Variants in EVI5 observed in about 807,000 individuals in gnomAD.
The protein encoded by EVI5 is ecotropic viral integration site 5, also known as ecotropic viral integration site 5 protein homolog.
A neutral mutation model predicts 112.0 loss-of-function variants in EVI5; 73 were observed. The ratio of observed to expected loss-of-function variants is 0.65; its 90% CI spans 0.54 to 0.79. EVI5 has a LOEUF of 0.79. EVI5 is among the 30% of genes least tolerant of loss of function. EVI5 has a pLI of 0.00. For missense variants in EVI5, 900 were observed against 968.8 expected (o/e 0.93, Z 0.94); for synonymous variants, 305 against 319.9 (o/e 0.95, Z 0.50).
chr1:92,616,205 G>C (rs1653089648), intron 16 of EVI5, among the ~76,000 whole-genome samples: 2 of 152,106 alleles, frequency 1.3e-5, no homozygotes. Flanking sequence ...CATCTCAGCT[G>C]GGAGGGTCCA....
intron 17 of EVI5, 37 bp from the exon 18 acceptor site, chr1:92,605,439 G>A (rs774101357): frequency 7.3e-7 from 1 of 1,374,864 alleles, no homozygotes; most frequent in Admixed American, 1.7e-5. Flanking sequence ...AAATAAACCA[G>A]GTGTGTTTGG....
chr1:92,633,368 C>A (rs1253652555), intron 14 of EVI5, among the ~76,000 whole-genome samples: 2 of 152,310 alleles, frequency 1.3e-5, no homozygotes, highest in Admixed American at 1.3e-4. Flanking sequence ...GTATTAGGTG[C>A]ACATATATTT....
intron 2 of EVI5, among the ~76,000 whole-genome samples, chr1:92,731,176 T>G (rs2102770000): frequency 6.6e-6 from 1 of 151,812 alleles, no homozygotes; most frequent in South Asian, 2.1e-4. Flanking sequence ...ATACAAAAAT[T>G]AGCCGTCATA....
At chr1:92,602,817 C>T (rs1649467311) in intron 18 of EVI5, among the ~76,000 whole-genome samples, 2 of 151,542 alleles carry the variant, frequency 1.3e-5, no homozygotes, top group Admixed American at 6.6e-5. Context: ...GTCAACACCA[C>T]CAAAAAAAAC....
chr1:92,576,957 G>T (rs1470014224), intron 18 of EVI5, among the ~76,000 whole-genome samples: 1 of 152,132 alleles, frequency 6.6e-6, no homozygotes, highest in African/African-American at 2.4e-5. Flanking sequence ...TAGCTTTGGG[G>T]CTAGGATTGC....
At chr1:92,665,192 G>C (rs749815823) in intron 11 of EVI5, among the ~76,000 whole-genome samples, 1 of 152,026 alleles carries the variant, frequency 6.6e-6, no homozygotes, top group Non-Finnish European at 1.5e-5. Context: ...GCAACAGAGC[G>C]AGACTCTCTC....
intron 1 of EVI5, among the ~76,000 whole-genome samples, chr1:92,778,128 C>G (rs12064258): frequency 0.024 from 3,630 of 152,012 alleles, 170 homozygotes; most frequent in African/African-American, 0.083. Context: ...AGGATGGTCT[C>G]GATCTCTTGA....
chr1:92,621,405 G>A (rs1005969225), intron 16 of EVI5, among the ~76,000 whole-genome samples: 1 of 152,148 alleles, frequency 6.6e-6, no homozygotes, highest in Admixed American at 6.5e-5. Flanking sequence ...TCCACCTACC[G>A]GGTTCAACCG....
chr1:92,742,634 T>C (rs532796243), intron 1 of EVI5, among the ~76,000 whole-genome samples: 4 of 151,556 alleles, frequency 2.6e-5, no homozygotes, highest in South Asian at 2.1e-4. Context: ...GACAGTGCCA[T>C]TGCACTCCAG....
At chr1:92,791,758 A>G (rs1686114621) in intron 1 of EVI5, among the ~76,000 whole-genome samples, 1 of 152,188 alleles carries the variant, frequency 6.6e-6, no homozygotes, top group South Asian at 2.1e-4. Flanking sequence ...CAAAAAAAAA[A>G]AAAGGATGAG....
intron 19 of EVI5, among the ~76,000 whole-genome samples, chr1:92,536,486 G>T (rs1663918288): frequency 6.6e-6 from 1 of 152,116 alleles, no homozygotes; most frequent in South Asian, 2.1e-4. Flanking sequence ...AAAGATTACA[G>T]CTATTCCACG....
At chr1:92,714,893 T>A (rs995787434) in intron 2 of EVI5, among the ~76,000 whole-genome samples, 9 of 152,178 alleles carry the variant, frequency 5.9e-5, no homozygotes, top group South Asian at 2.1e-4. Flanking sequence ...ACCTAACCTT[T>A]ACTTTTAACT....
At chr1:92,670,457 C>T (rs948085488) in intron 10 of EVI5, among the ~76,000 whole-genome samples, 1 of 152,188 alleles carries the variant, frequency 6.6e-6, no homozygotes, top group African/African-American at 2.4e-5. Context: ...AATTTGCAAT[C>T]ATTATACGGC....
intron 18 of EVI5, among the ~76,000 whole-genome samples, chr1:92,567,058 G>A (rs1290668593): frequency 2.0e-5 from 3 of 151,904 alleles, no homozygotes; most frequent in South Asian, 2.1e-4. Context: ...CCGCCCACCC[G>A]CCTTGGCCTC....
In EVI5 at chr1:92,704,480, T is replaced by G. The variant is rs967714123; in HGVS notation, c.339+75A>C. 3 of 954,472 alleles carry G rather than the reference T, an allele frequency of 3.1e-6. No individual in the cohort carries two copies. In the South Asian group the frequency reaches 6.7e-5, roughly 21 times the overall value. 59.1% of individuals were successfully genotyped at this position (954,472 alleles called of 1,614,324 possible). A position where few individuals can be genotyped will look rare whatever the true frequency, so the allele number is the denominator to read the frequency against. Reference sequence around the variant, plus strand: ...CTTGGAAGTTGTATTTGGGGTTTTTTTCCCAATCCTCTATTAAGTTATGTC... The same window carrying G: ...CTTGGAAGTTGTATTTGGGGTTTTTGTCCCAATCCTCTATTAAGTTATGTC... On this transcript the variant is annotated intron_variant, in intron 3 of 19. Coordinates refer to ENST00000684568, the MANE Select transcript of EVI5 (RefSeq NM_001350197.2).
chr1:92,551,043 T>C (rs1361319608), intron 19 of EVI5, among the ~76,000 whole-genome samples: 9 of 86,262 alleles, frequency 1.0e-4, no homozygotes, highest in African/African-American at 3.6e-4. Flanking sequence ...TTTCTTTCTT[T>C]TTTTTTTTTT....
chr1:92,516,801 T>C (rs1464568457), intron 19 of EVI5, among the ~76,000 whole-genome samples: 1 of 151,956 alleles, frequency 6.6e-6, no homozygotes. Context: ...TTATCCTTAT[T>C]ACCAGACTTT....
intron 2 of EVI5, among the ~76,000 whole-genome samples, chr1:92,727,404 T>C (rs2102742437): frequency 6.6e-6 from 1 of 152,272 alleles, no homozygotes; most frequent in Admixed American, 6.5e-5. Context: ...TCTGACTTAC[T>C]TTGGCCAATA....
At chr1:92,686,996 A>C (rs760954712) in intron 9 of EVI5, among the ~76,000 whole-genome samples, 1 of 152,202 alleles carries the variant, frequency 6.6e-6, no homozygotes, top group Admixed American at 6.5e-5. Flanking sequence ...TGCCATCCCC[A>C]TCAAGCTACC....
Sources: allele counts gnomAD v4.1 joint callset (sites outside exome capture counted in the v4.1 genomes callset), GRCh38; gene constraint gnomAD v4.1.1; transcripts MANE v1.5; gene names NCBI Gene and HGNC (gene_info 2026-07-23, HGNC 2026-07-21).